Variants in JAZF1 observed in about 807,000 individuals in gnomAD.
JAZF1 encodes the protein JAZF zinc finger 1.
In JAZF1, 8 loss-of-function variants were observed where a neutral mutation model predicts 26.4. The observed-to-expected ratio is 0.30, with a 90% CI of 0.18 to 0.55. The LOEUF (loss-of-function observed/expected upper bound fraction) is 0.55. Among genes scored for constraint, JAZF1 ranks in the 20% least tolerant of loss-of-function variants. The probability of loss-of-function intolerance (pLI) is 0.94; values close to 1 mark genes in which losing one functional copy is unlikely to be tolerated. For synonymous variants in JAZF1, 126 were observed against 122.3 expected (o/e 1.03, Z -0.20); for missense variants, 199 against 322.0 (o/e 0.62, Z 2.92).
intron 1 of JAZF1, among the ~76,000 whole-genome samples, chr7:28,146,347 G>C (rs1783027356): frequency 6.6e-6 from 1 of 152,228 alleles, no homozygotes; most frequent in Non-Finnish European, 1.5e-5. Context: ...TTAGGGAACA[G>C]TGATATACCA....
intron 2 of JAZF1, chr7:27,914,951 G>A: frequency 2.6e-6 from 1 of 391,452 alleles, no homozygotes; most frequent in Non-Finnish European, 5.3e-6. Context: ...GATTTTAGCT[G>A]GTGAAGAAAT....
intron 1 of JAZF1, among the ~76,000 whole-genome samples, chr7:28,146,662 C>A (rs184218379): frequency 9.9e-4 from 151 of 152,216 alleles, no homozygotes; most frequent in East Asian, 2.3e-3. Context: ...CTCCCTATTC[C>A]AAATGGTCCC....
intron 2 of JAZF1, among the ~76,000 whole-genome samples, chr7:27,976,422 T>G (rs1303706804): frequency 2.0e-5 from 3 of 151,300 alleles, no homozygotes; most frequent in Non-Finnish European, 4.4e-5. Context: ...ATTACAGATA[T>G]TACAAGGAAA....
intron 1 of JAZF1, among the ~76,000 whole-genome samples, chr7:28,004,423 C>A (rs1782665151): frequency 6.6e-6 from 1 of 151,884 alleles, no homozygotes; most frequent in South Asian, 2.1e-4. Context: ...AAGTCTGATG[C>A]CAAGGACCCA....
chr7:27,902,111 T>G (rs1562524068), intron 2 of JAZF1, among the ~76,000 whole-genome samples: 1 of 152,230 alleles, frequency 6.6e-6, no homozygotes, highest in Non-Finnish European at 1.5e-5. Flanking sequence ...ACAGATTTTA[T>G]TGTATTTACT....
intron 1 of JAZF1, among the ~76,000 whole-genome samples, chr7:28,081,209 G>A (rs1459619332): frequency 6.6e-6 from 1 of 152,186 alleles, no homozygotes; most frequent in Non-Finnish European, 1.5e-5. Flanking sequence ...TAAGCCCAGT[G>A]TTGTTACTCT....
intron 1 of JAZF1, among the ~76,000 whole-genome samples, chr7:28,132,716 T>C (rs1286711502): frequency 6.6e-6 from 1 of 152,110 alleles, no homozygotes; most frequent in Non-Finnish European, 1.5e-5. Flanking sequence ...GGAAGAAAGG[T>C]CAACCATAAT....
At chr7:27,845,225 G>A (rs960921032) in intron 3 of JAZF1, among the ~76,000 whole-genome samples, 1 of 152,204 alleles carries the variant, frequency 6.6e-6, no homozygotes, top group African/African-American at 2.4e-5. Flanking sequence ...GTCACAGAAA[G>A]AATCTACCCC....
At chr7:28,132,505 G>A (rs77181159) in intron 1 of JAZF1, among the ~76,000 whole-genome samples, 14,326 of 152,212 alleles carry the variant, frequency 0.094, 922 homozygotes, top group Middle Eastern at 0.17. Context: ...AGGGTGGTAA[G>A]GAGAGGATTA....
chr7:28,004,456 G>A (rs1383032128), intron 1 of JAZF1, among the ~76,000 whole-genome samples: 1 of 152,020 alleles, frequency 6.6e-6, no homozygotes, highest in African/African-American at 2.4e-5. Context: ...CTAATATGCA[G>A]TCAGGGTTGG....
intron 2 of JAZF1, among the ~76,000 whole-genome samples, chr7:27,955,037 C>T (rs1282971923): frequency 6.6e-6 from 1 of 152,224 alleles, no homozygotes; most frequent in Admixed American, 6.5e-5. Context: ...GGATTACAGG[C>T]ATGAGCCACC....
intron 3 of JAZF1, 50 bp downstream of exon 3, chr7:27,895,168 TTC>T: frequency 7.9e-7 from 1 of 1,272,658 alleles, no homozygotes; most frequent in Non-Finnish European, 1.1e-6. Context: ...CACACACACT[TTC>T]TCTTTCTCCC....
chr7:28,096,867 C>T (rs1459329900), intron 1 of JAZF1, among the ~76,000 whole-genome samples: 1 of 152,096 alleles, frequency 6.6e-6, no homozygotes, highest in African/African-American at 2.4e-5. Flanking sequence ...TTCGTTTTTA[C>T]AAAGTTGCCA....
intron 1 of JAZF1, among the ~76,000 whole-genome samples, chr7:28,089,713 T>C (rs994451059): frequency 6.6e-6 from 1 of 152,220 alleles, no homozygotes; most frequent in Non-Finnish European, 1.5e-5. Flanking sequence ...CAATGAAGGC[T>C]CAGACAAATG....
chr7:27,920,179 G>A (rs948287046), intron 2 of JAZF1, among the ~76,000 whole-genome samples: 6 of 152,222 alleles, frequency 3.9e-5, no homozygotes, highest in African/African-American at 1.4e-4. Context: ...GCTTCATTTG[G>A]CAACTGATGC....
chr7:28,107,733 A>G (rs2127930898), intron 1 of JAZF1, among the ~76,000 whole-genome samples: 1 of 152,342 alleles, frequency 6.6e-6, no homozygotes, highest in Non-Finnish European at 1.5e-5. Context: ...GTTCAAAGGA[A>G]AGAATACACA....
chr7:27,950,750 CATT>C (rs1784996384), intron 2 of JAZF1, among the ~76,000 whole-genome samples: 2 of 152,266 alleles, frequency 1.3e-5, no homozygotes, highest in South Asian at 4.2e-4. Flanking sequence ...TAGCCAAGTA[CATT>C]GCCTGCATTG....
intron 2 of JAZF1, among the ~76,000 whole-genome samples, chr7:27,945,585 C>A (rs1293987952): frequency 6.6e-6 from 1 of 151,878 alleles, no homozygotes; most frequent in Non-Finnish European, 1.5e-5. Context: ...CAGCAAGCAA[C>A]ACATATCAAG....
chr7:28,127,481 G>A (rs112734183), intron 1 of JAZF1, among the ~76,000 whole-genome samples: 107 of 152,064 alleles, frequency 7.0e-4, no homozygotes, highest in Non-Finnish European at 9.3e-4. Context: ...CCTTCACCAG[G>A]CTTGCCTTAA....
Sources: allele counts gnomAD v4.1 joint callset (sites outside exome capture counted in the v4.1 genomes callset), GRCh38; gene constraint gnomAD v4.1.1; transcripts MANE v1.5; gene names NCBI Gene and HGNC (gene_info 2026-07-23, HGNC 2026-07-21).